ADGRL2: variants seen among roughly 807,000 people sequenced by gnomAD.
ADGRL2 encodes the protein calcium-independent alpha-latrotoxin receptor 2.
Under a neutral mutation model 157.4 loss-of-function variants are expected in ADGRL2, and 44 were observed. That is an observed-to-expected ratio of 0.28 (90% CI 0.22 to 0.36). ADGRL2 has a LOEUF of 0.36. ADGRL2 is among the 10% of genes least tolerant of loss of function. The pLI, the probability that ADGRL2 is intolerant of heterozygous loss-of-function variation, is 1.00. For missense variants in ADGRL2, 1,510 were observed against 1,768.9 expected (o/e 0.85, Z 2.63); for synonymous variants, 585 against 624.7 (o/e 0.94, Z 0.95).
intron 2 of ADGRL2, among the ~76,000 whole-genome samples, chr1:81,461,534 T>A (rs1487575001): frequency 6.6e-6 from 1 of 152,224 alleles, no homozygotes; most frequent in Admixed American, 6.5e-5. Flanking sequence ...TGCATTTTAA[T>A]CTCAAACTGA....
intron 3 of ADGRL2, among the ~76,000 whole-genome samples, chr1:81,921,358 C>G (rs1025589051): frequency 6.6e-6 from 1 of 152,112 alleles, no homozygotes; most frequent in Non-Finnish European, 1.5e-5. Context: ...GTTGCAACTT[C>G]TGCAAAACGT....
At chr1:81,608,557 A>G (rs1218623939) in intron 3 of ADGRL2, among the ~76,000 whole-genome samples, 1 of 152,204 alleles carries the variant, frequency 6.6e-6, no homozygotes, top group Non-Finnish European at 1.5e-5. Context: ...AATGCCTCTC[A>G]GAGTCTTTAA....
chr1:81,593,029 T>G (rs1047759893), intron 3 of ADGRL2, among the ~76,000 whole-genome samples: 4 of 152,118 alleles, frequency 2.6e-5, no homozygotes, highest in African/African-American at 9.7e-5. Flanking sequence ...TTCTAAGGAA[T>G]AGAAATAGGA....
intron 1 of ADGRL2, among the ~76,000 whole-genome samples, chr1:81,713,066 G>T (rs1295851538): frequency 6.6e-6 from 1 of 151,984 alleles, no homozygotes; most frequent in East Asian, 1.9e-4. Flanking sequence ...CTTGAGAGTG[G>T]ATTCTTATAA....
At chr1:81,956,481 A>T (rs1035422117) in intron 11 of ADGRL2, among the ~76,000 whole-genome samples, 2 of 152,328 alleles carry the variant, frequency 1.3e-5, no homozygotes, top group Admixed American at 1.3e-4. Context: ...CTTGAGTCAG[A>T]TGTTTGTATT....
chr1:81,818,214 T>A (rs1392398517), intron 1 of ADGRL2, among the ~76,000 whole-genome samples: 1 of 152,082 alleles, frequency 6.6e-6, no homozygotes, highest in East Asian at 1.9e-4. Flanking sequence ...ACAATCATAT[T>A]AAACTTTCAA....
intron 1 of ADGRL2, among the ~76,000 whole-genome samples, chr1:81,708,132 A>G (rs2083800910): frequency 6.6e-6 from 1 of 152,194 alleles, no homozygotes; most frequent in African/African-American, 2.4e-5. Context: ...ATACACAAAC[A>G]CATGCACACA....
intron 2 of ADGRL2, among the ~76,000 whole-genome samples, chr1:81,485,010 A>G (rs1174447600): frequency 1.3e-5 from 2 of 152,146 alleles, no homozygotes; most frequent in African/African-American, 4.8e-5. Context: ...CAGAGGAAAA[A>G]CTAAAAGTTT....
intron 2 of ADGRL2, among the ~76,000 whole-genome samples, chr1:81,473,782 G>GT (rs71675068): frequency 0.034 from 5,028 of 148,446 alleles, 109 homozygotes; most frequent in Non-Finnish European, 0.05. Context: ...GGGATGTGAG[G>GT]TTTTTTTTTT....
intron 1 of ADGRL2, among the ~76,000 whole-genome samples, chr1:81,714,396 C>T (rs1033110451): frequency 1.3e-5 from 2 of 152,164 alleles, no homozygotes; most frequent in Non-Finnish European, 2.9e-5. Context: ...CTTAAAAATA[C>T]ATGCATCAAG....
intron 2 of ADGRL2, among the ~76,000 whole-genome samples, chr1:81,507,735 T>A (rs908332465): frequency 2.0e-5 from 3 of 152,196 alleles, no homozygotes; most frequent in African/African-American, 7.2e-5. Flanking sequence ...GCTCCATTGA[T>A]GATTGTTGTG....
chr1:81,342,476 C>T (rs948201449), intron 1 of ADGRL2, among the ~76,000 whole-genome samples: 50 of 152,104 alleles, frequency 3.3e-4, no homozygotes, highest in African/African-American at 1.1e-3. Context: ...GCTATGTCAT[C>T]ACTATGATTC....
chr1:81,695,736 G>T (rs1413673369), upstream of ADGRL2, among the ~76,000 whole-genome samples: 3 of 151,666 alleles, frequency 2.0e-5, no homozygotes, highest in East Asian at 1.9e-4. Context: ...CAGGAGAATC[G>T]CTTGAAGCTG....
rs551710237 is a variant in ADGRL2, at chr1:81,637,453, G to A, written c.-143+56473G>A. Among the ~76,000 whole-genome samples the A allele has an allele frequency of 3.4e-4, 52 of 152,160 alleles. 1 individual carries two copies. In the South Asian group the frequency reaches 0.011, roughly 32 times the overall value. On this transcript the variant is annotated intron_variant, in intron 3 of 24. Transcript: ENST00000370721. ...TTCCAAGGGCCCTTTCTTCCACTTA[G>A]CACAGCTGAAAAACAACTGAAATGT...
At chr1:81,731,703 C>G (rs1048693111) in intron 1 of ADGRL2, among the ~76,000 whole-genome samples, 4 of 151,872 alleles carry the variant, frequency 2.6e-5, no homozygotes, top group African/African-American at 4.8e-5. Flanking sequence ...TTAAATTTTG[C>G]CAGACAGTGT....
chr1:81,376,888 T>C (rs2076259743), intron 1 of ADGRL2, among the ~76,000 whole-genome samples: 1 of 152,156 alleles, frequency 6.6e-6, no homozygotes. Flanking sequence ...ACTTTTTGTA[T>C]TTATCCAAAA....
At chr1:81,608,348 C>T (rs533562747) in intron 3 of ADGRL2, among the ~76,000 whole-genome samples, 2 of 152,134 alleles carry the variant, frequency 1.3e-5, no homozygotes, top group Admixed American at 6.6e-5. Context: ...GTGAGACTCT[C>T]GCTCCAGAAC....
At chr1:81,548,715 T>A (rs2148371240) in intron 2 of ADGRL2, among the ~76,000 whole-genome samples, 1 of 152,270 alleles carries the variant, frequency 6.6e-6, no homozygotes, top group South Asian at 2.1e-4. Flanking sequence ...AATGTAGCAT[T>A]GTTTTCATCC....
At chr1:81,570,503 C>G (rs1484263751) in intron 2 of ADGRL2, among the ~76,000 whole-genome samples, 2 of 152,096 alleles carry the variant, frequency 1.3e-5, no homozygotes, top group Non-Finnish European at 2.9e-5. Context: ...ATTCTTGTGC[C>G]TCAGCCTCCC....
Sources: allele counts gnomAD v4.1 joint callset (sites outside exome capture counted in the v4.1 genomes callset), GRCh38; gene constraint gnomAD v4.1.1; transcripts MANE v1.5; gene names NCBI Gene and HGNC (gene_info 2026-07-23, HGNC 2026-07-21).